Variants in PTH2R observed in about 807,000 individuals in gnomAD.
PTH2R encodes PTH2 receptor.
A neutral mutation model predicts 60.3 loss-of-function variants in PTH2R; 59 were observed. That is an observed-to-expected ratio of 0.98 (90% CI 0.79 to 1.22). The LOEUF (loss-of-function observed/expected upper bound fraction) is 1.22, where lower values mean the gene tolerates loss of function less well. Among genes scored for constraint, PTH2R ranks in the 50% most tolerant of loss-of-function variants. The probability of loss-of-function intolerance (pLI) is 0.00; values close to 1 mark genes in which losing one functional copy is unlikely to be tolerated. For missense variants in PTH2R, 749 were observed against 682.6 expected (o/e 1.10, Z -1.08); for synonymous variants, 256 against 243.8 (o/e 1.05, Z -0.47).
Position 208,493,439 on chromosome 2 carries a change from C to T in PTH2R, c.1433C>T (p.Ala478Val). Residue 478 changes from alanine (A) to valine (V), a missense_variant, in exon 13 of 13, where the codon GCT becomes GTT. Ala to Val is a moderately conservative substitution (Grantham distance 64, BLOSUM62 0). Transcript: ENST00000272847. ...CGCATGGTGCTTATCTCTGGCAAAG[C>T]TGCCAAGATCGCCAGCAGACAGCCT... ...STRMVLISGK[A>V]AKIASRQPDS... The T allele has an allele frequency of 1.9e-6, 3 of 1,609,734 alleles. No homozygotes were observed. Among genetic ancestry groups the T allele is most frequent in the Non-Finnish European group, 2.5e-6 (3 of 1,177,326 alleles).
intron 1 of PTH2R, among the ~76,000 whole-genome samples, chr2:208,411,100 G>T (rs1317937602): frequency 2.6e-5 from 4 of 152,148 alleles, no homozygotes; most frequent in African/African-American, 4.8e-5. Context: ...ACAAAAATTA[G>T]CTGGGCATGG....
intron 1 of PTH2R, among the ~76,000 whole-genome samples, chr2:208,386,703 A>G (rs115331022): frequency 0.033 from 5,071 of 152,238 alleles, 262 homozygotes; most frequent in African/African-American, 0.11. Flanking sequence ...GCAGCTCCCC[A>G]TGGTTTGCAA....
At position 208,477,580 on chromosome 2, in the gene PTH2R, A is replaced by T. The variant is rs571055230; in HGVS notation, c.982-3490A>T. Among the ~76,000 whole-genome samples, 4 of 152,154 alleles carry T rather than the reference A, an allele frequency of 2.6e-5. No homozygotes were observed. In the South Asian group the frequency reaches 8.3e-4, roughly 32 times the overall value. On this transcript the variant is annotated intron_variant, in intron 9 of 12. Transcript: ENST00000272847. ...AGAACTTAGCATGTAACAAAAAAAA[A>T]CCCCTCTACCCCAAAACTATTGGAA... is the stretch of plus-strand genomic sequence containing the variant.
At chr2:208,472,852 A>T (rs1306094014) in intron 9 of PTH2R, among the ~76,000 whole-genome samples, 1 of 151,496 alleles carries the variant, frequency 6.6e-6, no homozygotes, top group African/African-American at 2.4e-5. Context: ...ACTTTTAAGT[A>T]GGTATTTTTA....
At chr2:208,477,127 T>C (rs1173514430) in intron 9 of PTH2R, among the ~76,000 whole-genome samples, 1 of 152,160 alleles carries the variant, frequency 6.6e-6, no homozygotes, top group Non-Finnish European at 1.5e-5. Context: ...AAATCTTGAT[T>C]AAACACCAAG....
intron 2 of PTH2R, among the ~76,000 whole-genome samples, chr2:208,431,757 C>T (rs1701976010): frequency 6.6e-6 from 1 of 152,114 alleles, no homozygotes; most frequent in African/African-American, 2.4e-5. Context: ...ATTTCTCCAC[C>T]CCATCAGGCC....
chr2:208,401,865 G>A (rs186981969), upstream of PTH2R, among the ~76,000 whole-genome samples: 369 of 152,318 alleles, frequency 2.4e-3, no homozygotes, highest in African/African-American at 8.6e-3. Context: ...TGGTGCCTAA[G>A]AGACGCTAGC....
At chr2:208,471,685 T>C (rs1702884374) in intron 9 of PTH2R, among the ~76,000 whole-genome samples, 1 of 152,070 alleles carries the variant, frequency 6.6e-6, no homozygotes, top group Non-Finnish European at 1.5e-5. Flanking sequence ...GAAATGGGGG[T>C]TGGAGCTGCC....
At chr2:208,458,717 G>A (rs1702566070) in intron 8 of PTH2R, among the ~76,000 whole-genome samples, 1 of 152,130 alleles carries the variant, frequency 6.6e-6, no homozygotes, top group Non-Finnish European at 1.5e-5. Flanking sequence ...TTCTGTTCCT[G>A]TGTTAGTTTG....
intron 1 of PTH2R, among the ~76,000 whole-genome samples, chr2:208,417,643 G>A (rs890388324): frequency 5.5e-5 from 8 of 146,430 alleles, no homozygotes; most frequent in East Asian, 2.0e-4. Context: ...ACCTCCTCCC[G>A]GATTAAAGCG....
intron 1 of PTH2R, among the ~76,000 whole-genome samples, chr2:208,413,777 G>T (rs1701587958): frequency 6.6e-6 from 1 of 152,202 alleles, no homozygotes; most frequent in Non-Finnish European, 1.5e-5. Flanking sequence ...AACACAAAAA[G>T]TGGCTCAACA....
intron 9 of PTH2R, among the ~76,000 whole-genome samples, chr2:208,460,517 A>G (rs1470981550): frequency 2.0e-5 from 3 of 152,172 alleles, no homozygotes; most frequent in Non-Finnish European, 4.4e-5. Context: ...AAAAAACACA[A>G]TTACTTTTTC....
intron 8 of PTH2R, among the ~76,000 whole-genome samples, chr2:208,451,607 T>C (rs538694622): frequency 1.8e-4 from 27 of 152,296 alleles, no homozygotes; most frequent in African/African-American, 5.8e-4. Flanking sequence ...GTCTACTAAC[T>C]CATCCTTATC....
chr2:208,418,608 A>G (rs1033787749), intron 1 of PTH2R, among the ~76,000 whole-genome samples: 1 of 152,156 alleles, frequency 6.6e-6, no homozygotes, highest in African/African-American at 2.4e-5. Context: ...AGAAAATATT[A>G]TCATAAAAAT....
intron 2 of PTH2R, among the ~76,000 whole-genome samples, chr2:208,436,884 C>T (rs1269036632): frequency 6.6e-6 from 1 of 152,158 alleles, no homozygotes; most frequent in African/African-American, 2.4e-5. Flanking sequence ...ACCCAGAGAA[C>T]TGTCCTGCAG....
chr2:208,451,963 T>C (rs557562482), intron 8 of PTH2R, among the ~76,000 whole-genome samples: 6 of 152,198 alleles, frequency 3.9e-5, no homozygotes, highest in South Asian at 2.1e-4. Context: ...GTTCAAATCT[T>C]GATTTAACTG....
chr2:208,368,398 T>C (rs1036919565), intron 1 of PTH2R, among the ~76,000 whole-genome samples: 1 of 152,222 alleles, frequency 6.6e-6, no homozygotes, highest in Admixed American at 6.5e-5. Flanking sequence ...GCCATCCTAA[T>C]TGACAAAGCA....
At chr2:208,443,221 G>T in intron 5 of PTH2R, 127 bp from the exon 6 acceptor site, 2 of 698,772 alleles carry the variant, frequency 2.9e-6, no homozygotes, top group Non-Finnish European at 4.5e-6. Context: ...TTTGGAATTT[G>T]TGTGGAGTCT....
chr2:208,361,974 G>C (rs1055080098), intron 1 of PTH2R, among the ~76,000 whole-genome samples: 4 of 152,158 alleles, frequency 2.6e-5, no homozygotes, highest in Admixed American at 2.0e-4. Flanking sequence ...CATTTGAATT[G>C]GCAGGCTGAA....
Sources: allele counts gnomAD v4.1 joint callset (sites outside exome capture counted in the v4.1 genomes callset), GRCh38; gene constraint gnomAD v4.1.1; transcripts MANE v1.5; gene names NCBI Gene and HGNC (gene_info 2026-07-23, HGNC 2026-07-21).